Variants in MAGI2 observed in about 807,000 individuals in gnomAD.
MAGI2 encodes the protein membrane associated guanylate kinase, WW and PDZ domain containing 2, also known as membrane-associated guanylate kinase, WW and PDZ domain-containing protein 2.
Under a neutral mutation model 133.3 loss-of-function variants are expected in MAGI2, and 35 were observed. The observed-to-expected ratio is 0.26, with a 90% confidence interval of 0.20 to 0.35. The LOEUF (loss-of-function observed/expected upper bound fraction) is 0.35, where lower values mean the gene tolerates loss of function less well. Among genes scored for constraint, MAGI2 ranks in the 10% least tolerant of loss-of-function variants. The pLI is 1.00. For missense variants in MAGI2, 1,636 were observed against 1,863.4 expected (o/e 0.88, Z 2.25); for synonymous variants, 729 against 710.6 (o/e 1.03, Z -0.41).
intron 2 of MAGI2, among the ~76,000 whole-genome samples, chr7:78,862,532 T>A (rs1794235952): frequency 6.6e-6 from 1 of 152,204 alleles, no homozygotes; most frequent in Non-Finnish European, 1.5e-5. Flanking sequence ...ATGACCAATA[T>A]TTATAAATGA....
chr7:78,409,207 G>C (rs1797648993), intron 6 of MAGI2, among the ~76,000 whole-genome samples: 1 of 152,006 alleles, frequency 6.6e-6, no homozygotes, highest in South Asian at 2.1e-4. Context: ...GGTATCATGA[G>C]GACTAGGACC....
At chr7:78,436,697 T>C (rs1800319600) in intron 6 of MAGI2, among the ~76,000 whole-genome samples, 1 of 152,180 alleles carries the variant, frequency 6.6e-6, no homozygotes, top group Non-Finnish European at 1.5e-5. Flanking sequence ...TGCCCTCTCA[T>C]ACTTCTCCAC....
intron 4 of MAGI2, among the ~76,000 whole-genome samples, chr7:78,520,594 G>T (rs190712599): frequency 3.3e-5 from 5 of 151,898 alleles, no homozygotes; most frequent in African/African-American, 1.2e-4. Context: ...ATAATAAAAT[G>T]AAATTTTGGA....
At chr7:78,823,236 A>G (rs547544115) in intron 2 of MAGI2, among the ~76,000 whole-genome samples, 80 of 152,322 alleles carry the variant, frequency 5.3e-4, no homozygotes, top group African/African-American at 1.8e-3. Flanking sequence ...GTGAAGGATG[A>G]TTTGACTGAG....
At chr7:79,183,132 T>C (rs891596934) in intron 1 of MAGI2, among the ~76,000 whole-genome samples, 3 of 152,012 alleles carry the variant, frequency 2.0e-5, no homozygotes, top group Admixed American at 6.6e-5. Flanking sequence ...TAATGTTTGA[T>C]AGCAGAGTAG....
chr7:78,171,992 T>A (rs1245874496), intron 14 of MAGI2, among the ~76,000 whole-genome samples: 1 of 152,166 alleles, frequency 6.6e-6, no homozygotes, highest in African/African-American at 2.4e-5. Flanking sequence ...GAACAACTGA[T>A]CTGTGGCCCT....
At chr7:79,254,402 C>CTCCAAATTT (rs1833541501) in intron 1 of MAGI2, among the ~76,000 whole-genome samples, 1 of 152,034 alleles carries the variant, frequency 6.6e-6, no homozygotes, top group South Asian at 2.1e-4. Context: ...CCTTTATAGC[C>CTCCAAATTT]TCCAAATTTA....
intron 3 of MAGI2, among the ~76,000 whole-genome samples, chr7:78,561,722 T>G (rs1234485581): frequency 6.6e-6 from 1 of 152,142 alleles, no homozygotes; most frequent in African/African-American, 2.4e-5. Flanking sequence ...TGGGCAGATT[T>G]CAACCAACGC....
chr7:78,136,245 G>A (rs978697691), intron 16 of MAGI2, among the ~76,000 whole-genome samples: 1 of 151,724 alleles, frequency 6.6e-6, no homozygotes, highest in Admixed American at 6.6e-5. Context: ...TCAGCTTCCC[G>A]AGTAGCTGGG....
At chr7:79,078,168 C>G (rs1178207939) in intron 1 of MAGI2, among the ~76,000 whole-genome samples, 2 of 152,126 alleles carry the variant, frequency 1.3e-5, no homozygotes, top group African/African-American at 2.4e-5. Context: ...AAGCAATCAG[C>G]CTTTCATGTG....
chr7:79,000,962 G>A (rs117338419), intron 2 of MAGI2, among the ~76,000 whole-genome samples: 4,437 of 152,186 alleles, frequency 0.029, 101 homozygotes, highest in Non-Finnish European at 0.041. Flanking sequence ...GTGTTTCCAG[G>A]CTGGAGTATA....
intron 1 of MAGI2, among the ~76,000 whole-genome samples, chr7:79,424,432 A>G (rs10245476): frequency 0.25 from 37,338 of 151,796 alleles, 6,652 homozygotes; most frequent in African/African-American, 0.51. Flanking sequence ...GGAGGTTGGG[A>G]AGATGGTCTA....
chr7:79,077,587 A>T lies in MAGI2; in HGVS notation c.302-70381T>A, dbSNP rs1022681523. On this transcript the variant is annotated intron_variant, in intron 1 of 21. Transcript: ENST00000354212. Reference sequence around the variant, plus strand: ...GAGACTGCCTCTCAAAAAAAAAAAAAAAAAAAAATAAATAAATAAATAAAT... The same window carrying T: ...GAGACTGCCTCTCAAAAAAAAAAAATAAAAAAAATAAATAAATAAATAAAT... Among the ~76,000 whole-genome samples the T allele has an allele frequency of 5.2e-3, 710 of 135,406 alleles. 86 individuals carry two copies. Among genetic ancestry groups the T allele is most frequent in the African/African-American group, 0.018 (659 of 36,352 alleles). 88.8% of individuals were successfully genotyped at this position (135,406 alleles called of 152,430 possible).
chr7:79,350,011 A>G (rs1182531013), intron 1 of MAGI2, among the ~76,000 whole-genome samples: 1 of 152,168 alleles, frequency 6.6e-6, no homozygotes, highest in East Asian at 1.9e-4. Context: ...CATTCAGCCA[A>G]TTTTGTTTTC....
intron 2 of MAGI2, among the ~76,000 whole-genome samples, chr7:79,002,549 C>A (rs1415879428): frequency 6.6e-6 from 1 of 151,930 alleles, no homozygotes; most frequent in Non-Finnish European, 1.5e-5. Flanking sequence ...AGTTTATTAT[C>A]AGTTAGCTAC....
intron 12 of MAGI2, among the ~76,000 whole-genome samples, chr7:78,192,796 C>A (rs930332703): frequency 3.3e-5 from 5 of 152,018 alleles, no homozygotes; most frequent in African/African-American, 1.2e-4. Context: ...TTACTGTGAC[C>A]TTAGAAACAT....
chr7:78,618,799 C>T (rs1432974927), intron 3 of MAGI2: 24 of 151,500 alleles, frequency 1.6e-4, no homozygotes. Context: ...ATTTCACTTA[C>T]ATCTGGAATC....
At chr7:78,382,515 T>C (rs373619863) in intron 6 of MAGI2, among the ~76,000 whole-genome samples, 13 of 152,160 alleles carry the variant, frequency 8.5e-5, no homozygotes, top group African/African-American at 3.1e-4. Context: ...GGTAAAAGCA[T>C]TAAAAACTCA....
intron 7 of MAGI2, among the ~76,000 whole-genome samples, chr7:78,367,466 T>C (rs1227584401): frequency 6.6e-6 from 1 of 152,190 alleles, no homozygotes; most frequent in Non-Finnish European, 1.5e-5. Flanking sequence ...GCTGCCTGTT[T>C]TTGTAAATAA....
Sources: allele counts gnomAD v4.1 joint callset (sites outside exome capture counted in the v4.1 genomes callset), GRCh38; gene constraint gnomAD v4.1.1; transcripts MANE v1.5; gene names NCBI Gene and HGNC (gene_info 2026-07-23, HGNC 2026-07-21).